Variants in RFX8 observed in about 807,000 individuals in gnomAD.
RFX8 encodes DNA-binding protein RFX8.
In RFX8, 46 loss-of-function variants were observed where a neutral mutation model predicts 54.6. That is an observed-to-expected ratio of 0.84 (90% CI 0.67 to 1.08). The LOEUF is 1.08. RFX8 is among the 50% of genes least tolerant of loss of function. RFX8 has a pLI of 0.00. For missense variants in RFX8, 536 were observed against 562.3 expected, an observed-to-expected ratio of 0.95 and a Z score of 0.47; for synonymous variants, 192 against 209.5, an observed-to-expected ratio of 0.92 and a Z score of 0.72.
At chr2:101,435,479 G>C (rs973781481) in intron 2 of RFX8, among the ~76,000 whole-genome samples, 2 of 152,136 alleles carry the variant, frequency 1.3e-5, no homozygotes, top group Non-Finnish European at 2.9e-5. Context: ...CAGGGATTTT[G>C]CCTAAGAGGT....
chr2:101,406,136 T>C, intron 9 of RFX8, 79 bp from the exon 10 acceptor site: 1 of 767,928 alleles, frequency 1.3e-6, no homozygotes, highest in Admixed American at 2.8e-5. Context: ...ATGCACACAT[T>C]TGTCATGCAC....
intron 9 of RFX8, 141 bp downstream of exon 9, chr2:101,410,478 C>T: frequency 1.6e-6 from 1 of 614,544 alleles, no homozygotes; most frequent in Non-Finnish European, 3.0e-6. Flanking sequence ...CGAGGCCATC[C>T]CCTGCCCTCA....
rs1237013843 is a variant in RFX8 at position 101,446,761 on chromosome 2, GCT to G, written c.72+20014_72+20015del. Among the ~76,000 whole-genome samples the G allele has an allele frequency of 2.3e-5, 3 of 132,780 alleles. No homozygotes were observed. The Admixed American group carries it at 2.6e-4, about 11-fold the overall frequency. The allele number at this position is 132,780 out of a possible 152,430, so 87.1% of individuals were successfully genotyped here. ...TACTTGTTTTCCTGGAGCATGCAGG[GCT>G]CTCCAAATTGTCTGTTAGTTAACTG... On this transcript the variant is annotated intron_variant, in intron 2 of 11. Transcript: ENST00000428343.
chr2:101,419,127 A>G (rs1686708406), intron 4 of RFX8, among the ~76,000 whole-genome samples, 163 bp from the exon 5 acceptor site: 1 of 152,146 alleles, frequency 6.6e-6, no homozygotes. Flanking sequence ...ATTTTGATAG[A>G]ATTCTTTCCA....
Position 101,406,075 on chromosome 2 carries a change from G to A in RFX8, c.814-18C>T. 1 of 1,406,974 alleles carries A rather than the reference G, an allele frequency of 7.1e-7. No homozygotes were observed. The highest frequency in any genetic ancestry group is 1.3e-5 in the South Asian group (1 of 76,372). 87.2% of individuals were successfully genotyped at this position (1,406,974 alleles called of 1,614,324 possible). A position where few individuals can be genotyped will look rare whatever the true frequency, so the allele number is the denominator to read the frequency against. The stretch of plus-strand genomic sequence containing the variant: ...CTGCTTGTCTGTTAAGTTTTTGTGA[G>A]AAAAAAGGCTGCAGTTTGTAATAAA... On this transcript the variant is annotated intron_variant, in intron 9 of 11. Transcript: ENST00000428343.
intron 6 of RFX8, among the ~76,000 whole-genome samples, chr2:101,417,064 C>A (rs968709628): frequency 6.6e-6 from 1 of 152,160 alleles, no homozygotes; most frequent in Non-Finnish European, 1.5e-5. Context: ...GCACAAAAAT[C>A]CATCACCAGC....
chr2:101,469,102 A>ATG (rs1689813565), intron 1 of RFX8, among the ~76,000 whole-genome samples: 1 of 27,172 alleles, frequency 3.7e-5, no homozygotes. Context: ...AAGTATATAT[A>ATG]TATAAGTGTA....
At chr2:101,410,867 T>C (rs1686085165) in intron 8 of RFX8, among the ~76,000 whole-genome samples, 154 bp from the exon 9 acceptor site, 1 of 152,224 alleles carries the variant, frequency 6.6e-6, no homozygotes, top group Non-Finnish European at 1.5e-5. Context: ...ACAGAGGATG[T>C]CCTGAGGCTG....
At chr2:101,440,403 T>C (rs993461186) in intron 2 of RFX8, among the ~76,000 whole-genome samples, 2 of 152,194 alleles carry the variant, frequency 1.3e-5, no homozygotes, top group Non-Finnish European at 2.9e-5. Flanking sequence ...CCTGCTTTCC[T>C]TTTAGGAGTC....
At chr2:101,416,798 ACAGAGCAGTT>A (rs1244632576) in intron 6 of RFX8, among the ~76,000 whole-genome samples, 2 of 152,194 alleles carry the variant, frequency 1.3e-5, no homozygotes, top group African/African-American at 4.8e-5. Context: ...GGACCAGCTG[ACAGAGCAGTT>A]CAGGCTCGCG....
At chr2:101,474,051 G>A in intron 1 of RFX8, 1 of 465,414 alleles carries the variant, frequency 2.1e-6, no homozygotes, top group Non-Finnish European at 3.8e-6. Flanking sequence ...TCCGCGCTGC[G>A]GCGGGCGAGC....
chr2:101,425,039 G>A (rs1226294965), intron 2 of RFX8, among the ~76,000 whole-genome samples: 6 of 149,688 alleles, frequency 4.0e-5, no homozygotes, highest in Non-Finnish European at 3.0e-5. Flanking sequence ...ATTTGAAACA[G>A]AAAAAAAAAA....
At chr2:101,428,866 C>T (rs6543047) in intron 2 of RFX8, 398,297 of 796,596 alleles carry the variant, frequency 0.5, 103,717 homozygotes, top group Middle Eastern at 0.54. Context: ...CAGAAGAGTA[C>T]GCACAGAAAA....
At chr2:101,409,552 G>A (rs1005997986) in intron 9 of RFX8, among the ~76,000 whole-genome samples, 2 of 151,366 alleles carry the variant, frequency 1.3e-5, no homozygotes, top group African/African-American at 4.9e-5. Flanking sequence ...TGCCCAGGCT[G>A]GAGTGCAGTG....
intron 2 of RFX8, among the ~76,000 whole-genome samples, chr2:101,446,477 T>G (rs988121327): frequency 3.2e-5 from 2 of 62,004 alleles, no homozygotes; most frequent in African/African-American, 8.4e-5. Context: ...CCCAGCCAAG[T>G]TGATCAATTA....
intron 7 of RFX8, among the ~76,000 whole-genome samples, chr2:101,413,558 G>A (rs765595262): frequency 7.9e-5 from 12 of 152,138 alleles, no homozygotes; most frequent in Non-Finnish European, 1.3e-4. Flanking sequence ...AACACTGTCC[G>A]ACTGCCTGGG....
chr2:101,440,881 T>C (rs1648834551), intron 2 of RFX8, among the ~76,000 whole-genome samples: 1 of 152,130 alleles, frequency 6.6e-6, no homozygotes, highest in African/African-American at 2.4e-5. Flanking sequence ...GATGGTTATG[T>C]CTTCCTGGGG....
chr2:101,415,741 C>T (rs985992273), intron 6 of RFX8, among the ~76,000 whole-genome samples: 6 of 152,240 alleles, frequency 3.9e-5, no homozygotes, highest in South Asian at 2.1e-4. Context: ...ACAAAGGGCT[C>T]ATGCTCCAGA....
rs965980429 is a variant in RFX8 at position 101,414,771 on chromosome 2, C to G, written c.561+83G>C. The G allele has an allele frequency of 6.6e-5, 71 of 1,068,350 alleles. No homozygotes were observed. The African/African-American group carries it at 8.8e-4, about 13-fold the overall frequency. 66.2% of individuals were successfully genotyped at this position (1,068,350 alleles called of 1,614,324 possible). Reference sequence around the variant, plus strand: ...GCCCTCCAGATGGACAGAGCAACCACTCACTCTTAACAGGGACTTAGAGCT... The same window carrying G: ...GCCCTCCAGATGGACAGAGCAACCAGTCACTCTTAACAGGGACTTAGAGCT... On this transcript the variant is annotated intron_variant, in intron 7 of 11. Transcript: ENST00000428343.
Sources: allele counts gnomAD v4.1 joint callset (sites outside exome capture counted in the v4.1 genomes callset), GRCh38; gene constraint gnomAD v4.1.1; transcripts MANE v1.5; gene names NCBI Gene and HGNC (gene_info 2026-07-23, HGNC 2026-07-21).